The following NEB variants were observed in gnomAD, a reference collection of about 807,000 sequenced individuals.
NEB encodes the protein nebulin.
A neutral mutation model predicts 952.2 loss-of-function variants in NEB; 512 were observed. That is an observed-to-expected ratio of 0.54 (90% CI 0.50 to 0.58). The LOEUF (loss-of-function observed/expected upper bound fraction) is 0.58, where lower values mean the gene tolerates loss of function less well. Ranked by LOEUF, NEB falls within the 20% of genes least tolerant of loss-of-function variation. The pLI is 0.00. For missense variants in NEB, 8,428 were observed against 9,231.1 expected (o/e 0.91, Z 3.56); for synonymous variants, 2,900 against 3,149.8 (o/e 0.92, Z 2.66).
In NEB at chr2:151,516,444, G is replaced by GT. The variant is rs565867868; in HGVS notation, c.22905+14dup. On this transcript the variant is annotated intron_variant, in intron 157 of 181. Coordinates refer to ENST00000397345, the MANE Select transcript of NEB (RefSeq NM_001164508.2). ...TGATGGATCATTGTTGTGTGGTGTG[G>GT]TTTTTTTGACTTACCCCACTCTGCA... The GT allele has an allele frequency of 1.0e-5, 16 of 1,567,432 alleles. No homozygotes were observed. The highest frequency in any genetic ancestry group is 4.5e-5 in the East Asian group (2 of 44,578).
In NEB at chr2:151,723,418, C is replaced by T. The variant is rs776172694; in HGVS notation, c.681G>A (p.Leu227=). The change falls in exon 9 of 182, where the codon CTG becomes CTA. Residue 227 remains leucine (L), a synonymous_variant. Coordinates refer to ENST00000397345, the MANE Select transcript of NEB (RefSeq NM_001164508.2). ...CTTTCTGGGCCTGGGCAACTCTCCT[C>T]AGTTCCGGGCTATCATTATAGGGGT... The part of the protein sequence containing the change: ...LFYPYNDSPE[L]RRVAQAQKAL... 1.6e-5 allele frequency: 26 copies of T among 1,610,382 alleles called. No homozygotes were observed. Among genetic ancestry groups the T allele is most frequent in the Non-Finnish European group, 2.2e-5 (26 of 1,178,326 alleles).
At chr2:151,730,740 C>A (rs549199184) in intron 3 of NEB, among the ~76,000 whole-genome samples, 13 of 152,072 alleles carry the variant, frequency 8.5e-5, no homozygotes, top group African/African-American at 3.1e-4. Context: ...CCCTCAATGG[C>A]CTGCATTCTT....
At chr2:151,502,755 T>A (rs749447128) in intron 167 of NEB, 38 bp downstream of exon 167, 1 of 1,136,706 alleles carries the variant, frequency 8.8e-7, no homozygotes. Context: ...TTAAATAAAA[T>A]TAAGGGATTT....
chr2:151,672,919 T>C (rs990146673), intron 36 of NEB, among the ~76,000 whole-genome samples: 6 of 152,256 alleles, frequency 3.9e-5, no homozygotes, highest in Non-Finnish European at 8.8e-5. Context: ...ATAATTTGCA[T>C]GTGGAACTTT....
At chr2:151,704,803 C>G (rs1442842753) in intron 13 of NEB, among the ~76,000 whole-genome samples, 1 of 152,188 alleles carries the variant, frequency 6.6e-6, no homozygotes, top group African/African-American at 2.4e-5. Context: ...GATGGAAATG[C>G]AGAAATCACC....
intron 166 of NEB, 64 bp downstream of exon 166, chr2:151,503,285 A>AGAT: frequency 8.3e-7 from 1 of 1,208,892 alleles, no homozygotes; most frequent in East Asian, 2.3e-5. Context: ...TCTTTAAAAA[A>AGAT]GATGGGTTAT....
chr2:151,507,035 C>G (rs776062383), intron 162 of NEB, 22 bp from the exon 163 acceptor site: 3 of 1,391,242 alleles, frequency 2.2e-6, no homozygotes, highest in Non-Finnish European at 3.1e-6. Context: ...GAGTAAACAT[C>G]TTGTTAAGAT....
intron 48 of NEB, 35 bp from the exon 49 acceptor site, chr2:151,656,499 T>A (rs1029291353): frequency 3.6e-6 from 5 of 1,374,070 alleles, no homozygotes; most frequent in Non-Finnish European, 4.9e-6. Flanking sequence ...CACAGAGCAA[T>A]TCCTTTGACT....
chr2:151,709,578 A>T, intron 12 of NEB, 78 bp downstream of exon 12: 1 of 1,144,834 alleles, frequency 8.7e-7, no homozygotes, highest in African/African-American at 1.6e-5. Flanking sequence ...TTTTTTACTA[A>T]TTATATACAA....
chr2:151,673,702 C>T (rs915035948), intron 36 of NEB, among the ~76,000 whole-genome samples: 1 of 150,804 alleles, frequency 6.6e-6, no homozygotes, highest in South Asian at 2.1e-4. Flanking sequence ...CTCTGCAGGG[C>T]ATGCATGCTT....
At position 151,626,988 on chromosome 2, in the gene NEB, A is replaced by C; in HGVS notation, c.10347+14T>G. 1 of 1,613,400 alleles carries C rather than the reference A, an allele frequency of 6.2e-7. No homozygotes were observed. The highest frequency in any genetic ancestry group is 8.5e-7 in the Non-Finnish European group (1 of 1,179,396). On this transcript the variant is annotated intron_variant, in intron 70 of 181. Coordinates refer to ENST00000397345, the MANE Select transcript of NEB (RefSeq NM_001164508.2). ...TATAGCCCTGTCTTATTTTCCTACA[A>C]ATTGGGGGCTCACCTTGTTCATATT...
At chr2:151,542,598 A>G (rs991880434) in intron 135 of NEB, among the ~76,000 whole-genome samples, 1 of 152,058 alleles carries the variant, frequency 6.6e-6, no homozygotes, top group Admixed American at 6.6e-5. Context: ...CTACATCAAA[A>G]TGGTCATGAA....
At chr2:151,499,517 C>G in intron 168 of NEB, 127 bp from the exon 169 acceptor site, 1 of 636,020 alleles carries the variant, frequency 1.6e-6, no homozygotes, top group South Asian at 1.7e-5. Flanking sequence ...ACAAGTCAAC[C>G]TCTCTGTTCA....
chr2:151,637,396 T>C (rs1187848608), intron 63 of NEB, among the ~76,000 whole-genome samples: 1 of 150,034 alleles, frequency 6.7e-6, no homozygotes, highest in Non-Finnish European at 1.5e-5. Flanking sequence ...CAGGGAGGAG[T>C]TCACAGGAGA....
intron 156 of NEB, 28 bp from the exon 157 acceptor site, chr2:151,516,591 C>T: frequency 7.0e-7 from 1 of 1,430,328 alleles, no homozygotes; most frequent in South Asian, 1.2e-5. Flanking sequence ...TGTTAGATAT[C>T]TCTCCTCTGG....
In NEB at chr2:151,496,180, G is replaced by A. The variant is rs893905427; in HGVS notation, c.24486+96C>T. ...GCTAAAGAAATTTCACAAAATTTAAGTTGTCTTTAAAAAGTAGGATTAATA... is the reference window on the plus strand; with the variant it reads ...GCTAAAGAAATTTCACAAAATTTAAATTGTCTTTAAAAAGTAGGATTAATA... On this transcript the variant is annotated intron_variant, in intron 173 of 181. Coordinates refer to ENST00000397345, the MANE Select transcript of NEB (RefSeq NM_001164508.2). The A allele has an allele frequency of 6.8e-6, 9 of 1,325,360 alleles. No individual in the cohort carries two copies. In the African/African-American group the frequency reaches 1.0e-4, roughly 15 times the overall value. 82.1% of individuals were successfully genotyped at this position (1,325,360 alleles called of 1,614,324 possible).
At chr2:151,708,045 A>G (rs551799555) in intron 12 of NEB, among the ~76,000 whole-genome samples, 9 of 152,288 alleles carry the variant, frequency 5.9e-5, no homozygotes, top group Admixed American at 1.3e-4. Flanking sequence ...TGTTATGCAG[A>G]TGAACTGTCA....
chr2:151,613,201 A>G (rs185971561), intron 77 of NEB, among the ~76,000 whole-genome samples: 29 of 152,316 alleles, frequency 1.9e-4, no homozygotes, highest in Non-Finnish European at 1.9e-4. Context: ...TGAGTCTCCA[A>G]AGGACTCTAC....
At chr2:151,527,636 A>G in intron 146 of NEB, 51 bp from the exon 147 acceptor site, 1 of 1,320,748 alleles carries the variant, frequency 7.6e-7, no homozygotes, top group South Asian at 1.2e-5. Flanking sequence ...GGCTAAATTC[A>G]TAAACACACA....
Sources: allele counts gnomAD v4.1 joint callset (sites outside exome capture counted in the v4.1 genomes callset), GRCh38; gene constraint gnomAD v4.1.1; transcripts MANE v1.5; gene names NCBI Gene and HGNC (gene_info 2026-07-23, HGNC 2026-07-21).